Variants in INTS4 observed in about 807,000 individuals in gnomAD.
INTS4 encodes integrator complex subunit 4.
Under a neutral mutation model 119.5 loss-of-function variants are expected in INTS4, and 70 were observed. That is an observed-to-expected ratio of 0.59 (90% CI 0.48 to 0.71). The LOEUF (loss-of-function observed/expected upper bound fraction) is 0.71, where lower values mean the gene tolerates loss of function less well. Ranked by LOEUF, INTS4 falls within the 30% of genes least tolerant of loss-of-function variation. The pLI is 0.00. For missense variants in INTS4, 867 were observed against 1,173.2 expected (o/e 0.74, Z 3.81); for synonymous variants, 316 against 419.6 (o/e 0.75, Z 3.02).
intron 15 of INTS4, among the ~76,000 whole-genome samples, chr11:77,909,375 T>C (rs1386492631): frequency 6.6e-6 from 1 of 152,252 alleles, no homozygotes. Context: ...CACAGTTGTA[T>C]AGGCTGGGAA....
At chr11:77,878,051 A>T (rs1326890115), downstream of INTS4, among the ~76,000 whole-genome samples, 7 of 152,216 alleles carry the variant, frequency 4.6e-5, no homozygotes, top group Non-Finnish European at 7.3e-5. Flanking sequence ...CCTAAGAATA[A>T]TGGCAGGCAA....
chr11:77,900,419 T>C (rs1235449397), intron 18 of INTS4, among the ~76,000 whole-genome samples: 2 of 152,166 alleles, frequency 1.3e-5, no homozygotes, highest in Admixed American at 1.3e-4. Flanking sequence ...ATCTTTAAGA[T>C]TAAATGATTC....
At chr11:77,878,582 C>G, downstream of INTS4, 1 of 549,860 alleles carries the variant, frequency 1.8e-6, no homozygotes, top group South Asian at 2.7e-5. Flanking sequence ...AGAAATAAGA[C>G]TATAGCTCAA....
intron 11 of INTS4, among the ~76,000 whole-genome samples, chr11:77,926,622 T>C (rs1347255758): frequency 6.6e-6 from 1 of 151,434 alleles, no homozygotes; most frequent in African/African-American, 2.4e-5. Flanking sequence ...GCCTGGCCAA[T>C]ATGGTGAAAC....
chr11:77,929,048 A>C (rs1398370664), intron 10 of INTS4, among the ~76,000 whole-genome samples: 1 of 151,738 alleles, frequency 6.6e-6, no homozygotes, highest in Non-Finnish European at 1.5e-5. Flanking sequence ...AAAAACAAAA[A>C]AACAAAAACT....
At chr11:77,959,004 C>G (rs552163743) in intron 6 of INTS4, among the ~76,000 whole-genome samples, 170 bp from the exon 7 acceptor site, 132 of 152,316 alleles carry the variant, frequency 8.7e-4, no homozygotes, top group South Asian at 8.1e-3. Context: ...CCTCTGTCAG[C>G]TGCTCTGGCT....
At position 77,966,060 on chromosome 11, in the gene INTS4, G is replaced by A. The variant is rs117918726; in HGVS notation, c.472-4922C>T. On this transcript the variant is annotated intron_variant, in intron 4 of 22. Coordinates refer to ENST00000534064, the MANE Select transcript of INTS4 (RefSeq NM_033547.4). ...CTCACTTAATTTGCATTTTCCCGAC[G>A]CTTAGTGATGTTGTACACTTTTTCA... is the stretch of plus-strand genomic sequence containing the variant. Among the ~76,000 whole-genome samples the A allele has an allele frequency of 5.7e-3, 875 of 152,198 alleles. 3 individuals are homozygous for A. The highest frequency in any genetic ancestry group is 8.3e-3 in the Non-Finnish European group (563 of 67,992).
chr11:77,883,753 C>A, intron 22 of INTS4, 79 bp downstream of exon 22: 1 of 1,485,072 alleles, frequency 6.7e-7, no homozygotes, highest in Non-Finnish European at 9.1e-7. Flanking sequence ...TTTTTTCAAA[C>A]TTTAAAAACC....
chr11:77,898,837 T>C (rs1952645979), intron 18 of INTS4, among the ~76,000 whole-genome samples: 3 of 151,968 alleles, frequency 2.0e-5, no homozygotes, highest in Non-Finnish European at 1.5e-5. Context: ...ATGGCCAACA[T>C]GGTAAAACCC....
intron 3 of INTS4, among the ~76,000 whole-genome samples, chr11:77,979,479 A>C (rs903471894): frequency 1.3e-5 from 2 of 151,888 alleles, no homozygotes; most frequent in Non-Finnish European, 2.9e-5. Flanking sequence ...AGTCCTAAAA[A>C]AACAGAAAAA....
intron 15 of INTS4, among the ~76,000 whole-genome samples, chr11:77,917,759 T>G (rs1267291529): frequency 6.6e-6 from 1 of 151,916 alleles, no homozygotes; most frequent in Non-Finnish European, 1.5e-5. Flanking sequence ...CAAATGAGTT[T>G]AAATTTTTTT....
intron 2 of INTS4, 49 bp from the exon 3 acceptor site, chr11:77,981,625 C>T (rs1324656587): frequency 1.1e-6 from 1 of 887,164 alleles, no homozygotes. Flanking sequence ...ACTTAGCTAA[C>T]CAACAAACAG....
At position 77,961,158 on chromosome 11, in the gene INTS4, A is replaced by AAG; in HGVS notation, c.472-21_472-20insCT. The AAG allele has an allele frequency of 2.0e-6, 3 of 1,534,524 alleles. No homozygotes were observed. The highest frequency in any genetic ancestry group is 2.6e-6 in the Non-Finnish European group (3 of 1,148,752). On this transcript the variant is annotated intron_variant, in intron 4 of 22. Coordinates refer to ENST00000534064, the MANE Select transcript of INTS4 (RefSeq NM_033547.4). ...CAGATGCTATTAAAAAAAAAAAAAA[A>AAG]AAGAAAAAAAGAAAAAGAAAAAAAG...
intron 8 of INTS4, among the ~76,000 whole-genome samples, chr11:77,949,457 G>A (rs1296802157): frequency 2.7e-5 from 4 of 146,194 alleles, no homozygotes; most frequent in Non-Finnish European, 5.9e-5. Flanking sequence ...GAAAATTTTT[G>A]CAATCTATCC....
At chr11:77,939,236 G>A (rs1173941672) in intron 9 of INTS4, among the ~76,000 whole-genome samples, 1 of 152,162 alleles carries the variant, frequency 6.6e-6, no homozygotes, top group African/African-American at 2.4e-5. Flanking sequence ...CCAGCACTTT[G>A]GGAGGCCAAG....
chr11:77,958,632 T>A, intron 7 of INTS4, 114 bp downstream of exon 7: 1 of 679,198 alleles, frequency 1.5e-6, no homozygotes, highest in Non-Finnish European at 2.7e-6. Context: ...TTATTCCCCA[T>A]TGCCTTCCAA....
chr11:77,948,769 C>A (rs1954113899), intron 8 of INTS4, among the ~76,000 whole-genome samples: 1 of 142,390 alleles, frequency 7.0e-6, no homozygotes, highest in South Asian at 2.3e-4. Flanking sequence ...AACAGAGAGA[C>A]AGACACCCTG....
intron 18 of INTS4, among the ~76,000 whole-genome samples, chr11:77,901,117 T>A (rs1952764510): frequency 6.6e-6 from 1 of 152,178 alleles, no homozygotes; most frequent in Non-Finnish European, 1.5e-5. Flanking sequence ...CTTAAGGAAA[T>A]CTATCAAGTA....
chr11:77,958,221 A>G (rs1954379295), intron 7 of INTS4, among the ~76,000 whole-genome samples: 3 of 151,208 alleles, frequency 2.0e-5, no homozygotes, highest in Admixed American at 2.0e-4. Context: ...AAATATTTAT[A>G]AATAAAAGAT....
Sources: allele counts gnomAD v4.1 joint callset (sites outside exome capture counted in the v4.1 genomes callset), GRCh38; gene constraint gnomAD v4.1.1; transcripts MANE v1.5; gene names NCBI Gene and HGNC (gene_info 2026-07-23, HGNC 2026-07-21).